The following LRRC37A2 variants were observed in gnomAD, a reference collection of about 807,000 sequenced individuals.
The protein encoded by LRRC37A2 is leucine-rich repeat-containing protein 37A2.
In LRRC37A2, 9 loss-of-function variants were observed where a neutral mutation model predicts 68.8. That is an observed-to-expected ratio of 0.13 (90% CI 0.08 to 0.23). The LOEUF (loss-of-function observed/expected upper bound fraction) is 0.23, where lower values mean the gene tolerates loss of function less well. LRRC37A2 is among the 10% of genes least tolerant of loss of function. LRRC37A2 has a pLI of 1.00. For synonymous variants in LRRC37A2, 63 were observed against 367.6 expected, an observed-to-expected ratio of 0.17 and a Z score of 9.48; for missense variants, 168 against 950.4, an observed-to-expected ratio of 0.18 and a Z score of 10.82.
At chr17:46,789,089 C>T in the LRRC37A2 span, among the ~76,000 whole-genome samples, 1 of 152,198 alleles carries the variant, frequency 6.6e-6, no homozygotes, top group Non-Finnish European at 1.5e-5. Flanking sequence ...TGGGCCAGGC[C>T]TTATGCTGGA....
chr17:47,044,562 A>G, the LRRC37A2 span, among the ~76,000 whole-genome samples: 4 of 151,210 alleles, frequency 2.6e-5, no homozygotes, highest in African/African-American at 7.3e-5. Context: ...AAATGTATAG[A>G]CATACACACA....
At chr17:46,458,531 C>CTTTTTT in the LRRC37A2 span, among the ~76,000 whole-genome samples, 354 of 39,786 alleles carry the variant, frequency 8.9e-3, 9 homozygotes, top group Non-Finnish European at 0.012. Flanking sequence ...TCTTCTTCTT[C>CTTTTTT]TTTTTTTTTT....
the LRRC37A2 span, chr17:46,940,283 C>A: frequency 1.7e-5 from 24 of 1,435,676 alleles, no homozygotes; most frequent in East Asian, 5.0e-4. Flanking sequence ...TGTTCCTACC[C>A]CTCCGGGCCA....
the LRRC37A2 span, among the ~76,000 whole-genome samples, chr17:47,030,079 AATAATAATAATCATCATCATC>A: frequency 2.4e-5 from 1 of 41,932 alleles, no homozygotes; most frequent in African/African-American, 9.1e-5. Flanking sequence ...TAATAATAAT[AATAATAATAATCATCATCATC>A]ATCATCATCA....
chr17:46,709,077 C>T, the LRRC37A2 span, among the ~76,000 whole-genome samples: 1 of 152,030 alleles, frequency 6.6e-6, no homozygotes, highest in East Asian at 1.9e-4. Flanking sequence ...CCCACCTTGG[C>T]CTCCCAAAGT....
chr17:46,935,504 A>G, the LRRC37A2 span: 1 of 1,324,460 alleles, frequency 7.6e-7, no homozygotes, highest in East Asian at 3.0e-5. Context: ...TACTCTTGGA[A>G]GAATGAAGAC....
At chr17:46,940,487 C>G in the LRRC37A2 span, 1 of 1,613,044 alleles carries the variant, frequency 6.2e-7, no homozygotes, top group Non-Finnish European at 8.5e-7. Context: ...AGGGACCTAG[C>G]GCAGGACTTT....
the LRRC37A2 span, among the ~76,000 whole-genome samples, chr17:46,667,401 A>G: frequency 6.7e-6 from 1 of 148,566 alleles, no homozygotes; most frequent in Non-Finnish European, 1.5e-5. Flanking sequence ...CTACCTTTCA[A>G]TACTAAAATG....
chr17:46,696,437 G>T, the LRRC37A2 span, among the ~76,000 whole-genome samples: 1 of 138,268 alleles, frequency 7.2e-6, no homozygotes, highest in Non-Finnish European at 1.5e-5. Context: ...TGGTCAACTT[G>T]TGGGGTGAGA....
chr17:46,521,777 C>G (rs2052320800), intron 4 of LRRC37A2, among the ~76,000 whole-genome samples: 1 of 50,516 alleles, frequency 2.0e-5, no homozygotes, highest in East Asian at 3.0e-4. Flanking sequence ...AATGGGAGGG[C>G]AAAACACAGG....
At chr17:46,751,215 T>C in the LRRC37A2 span, among the ~76,000 whole-genome samples, 1 of 152,190 alleles carries the variant, frequency 6.6e-6, no homozygotes, top group Non-Finnish European at 1.5e-5. Flanking sequence ...TGTTAAAAAT[T>C]TTAACTTATA....
the LRRC37A2 span, chr17:46,932,064 C>T: frequency 6.2e-7 from 1 of 1,613,394 alleles, no homozygotes; most frequent in East Asian, 2.2e-5. Context: ...CCATCAATTC[C>T]AGTCGGGTTG....
chr17:47,006,797 GCCT>G, the LRRC37A2 span, among the ~76,000 whole-genome samples: 2 of 152,170 alleles, frequency 1.3e-5, no homozygotes, highest in Non-Finnish European at 2.9e-5. Context: ...GTTGAATGGG[GCCT>G]CTGCCAGGCA....
chr17:47,002,937 C>G, the LRRC37A2 span, among the ~76,000 whole-genome samples: 2 of 152,012 alleles, frequency 1.3e-5, no homozygotes, highest in African/African-American at 4.8e-5. Flanking sequence ...CAGAAACTAA[C>G]TCAAAGACGA....
chr17:46,657,070 T>TA, the LRRC37A2 span, among the ~76,000 whole-genome samples: 1 of 39,256 alleles, frequency 2.5e-5, no homozygotes, highest in African/African-American at 9.4e-5. Context: ...TGTAGAATGA[T>TA]AATGCTGTGG....
the LRRC37A2 span, among the ~76,000 whole-genome samples, chr17:46,750,564 T>G: frequency 7.2e-5 from 11 of 152,344 alleles, no homozygotes; most frequent in African/African-American, 2.4e-4. Flanking sequence ...ACTCAACCTG[T>G]ACCTCCAGTT....
At chr17:46,940,477 A>G in the LRRC37A2 span, 1 of 1,612,500 alleles carries the variant, frequency 6.2e-7, no homozygotes. Context: ...CTGCGGTGCC[A>G]GGGACCTAGC....
chr17:46,765,695 C>T, the LRRC37A2 span, among the ~76,000 whole-genome samples: 8 of 152,250 alleles, frequency 5.3e-5, no homozygotes, highest in Non-Finnish European at 7.3e-5. Flanking sequence ...CCAGAGCAGG[C>T]GGCTCTCGCC....
the LRRC37A2 span, among the ~76,000 whole-genome samples, chr17:46,867,118 C>T: frequency 3.3e-5 from 5 of 152,244 alleles, no homozygotes; most frequent in Non-Finnish European, 5.9e-5. Context: ...CTTTCTCTTC[C>T]TTCCCCTTCT....
Sources: gnomAD v4.1 joint callset for allele counts (sites outside exome capture counted in the v4.1 genomes callset) on GRCh38, gnomAD v4.1.1 for gene constraint, MANE v1.5 for transcripts, NCBI Gene and HGNC (gene_info 2026-07-23, HGNC 2026-07-21) for gene names.